Variants in AGBL1 observed in about 807,000 individuals in gnomAD.
AGBL1 encodes AGBL carboxypeptidase 1.
A neutral mutation model predicts 118.9 loss-of-function variants in AGBL1; 130 were observed. That is an observed-to-expected ratio of 1.09 (90% CI 0.95 to 1.26). The LOEUF is 1.26. AGBL1 is among the 50% of genes most tolerant of loss of function. The probability of loss-of-function intolerance (pLI) is 0.00; values close to 1 mark genes in which losing one functional copy is unlikely to be tolerated. For missense variants in AGBL1, 1,584 were observed against 1,298.1 expected, an observed-to-expected ratio of 1.22 and a Z score of -3.38; for synonymous variants, 555 against 478.9, an observed-to-expected ratio of 1.16 and a Z score of -2.08.
chr15:86,681,022 A>G (rs1192500437), intron 22 of AGBL1, among the ~76,000 whole-genome samples: 1 of 152,084 alleles, frequency 6.6e-6, no homozygotes, highest in East Asian at 1.9e-4. Context: ...GATTTTGAAT[A>G]TGAACATTCT....
intron 22 of AGBL1, among the ~76,000 whole-genome samples, chr15:86,689,052 A>T (rs1197935493): frequency 6.6e-6 from 1 of 152,084 alleles, no homozygotes; most frequent in Admixed American, 6.6e-5. Context: ...TTTTACTTTT[A>T]TATGGTAAAT....
chr15:86,131,143 G>C (rs2076813758), intron 1 of AGBL1, among the ~76,000 whole-genome samples: 1 of 152,162 alleles, frequency 6.6e-6, no homozygotes, highest in African/African-American at 2.4e-5. Flanking sequence ...GGCTTCAGAT[G>C]CAAGTATCCC....
At chr15:86,967,345 T>C (rs886280539) in intron 23 of AGBL1, among the ~76,000 whole-genome samples, 2 of 152,184 alleles carry the variant, frequency 1.3e-5, no homozygotes, top group Non-Finnish European at 2.9e-5. Flanking sequence ...ATCCCATTTG[T>C]CAATTTTGGC....
chr15:86,483,490 T>A (rs1337152694), intron 18 of AGBL1, among the ~76,000 whole-genome samples: 1 of 152,098 alleles, frequency 6.6e-6, no homozygotes, highest in African/African-American at 2.4e-5. Context: ...TGACCTCCCA[T>A]CCCATCATGG....
At chr15:86,776,306 T>C (rs1400013684) in intron 22 of AGBL1, among the ~76,000 whole-genome samples, 1 of 152,130 alleles carries the variant, frequency 6.6e-6, no homozygotes, top group Non-Finnish European at 1.5e-5. Flanking sequence ...GCTGAGCTAC[T>C]TCCTCATCGT....
intron 21 of AGBL1, among the ~76,000 whole-genome samples, chr15:86,572,201 T>G (rs914765707): frequency 1.3e-5 from 2 of 151,896 alleles, no homozygotes; most frequent in Non-Finnish European, 2.9e-5. Flanking sequence ...GCCGGCTCCC[T>G]TCCTGGGCCC....
Position 86,170,980 on chromosome 15 carries a change from G to A in AGBL1, c.488+11954G>A, listed in dbSNP as rs144722104. On this transcript the variant is annotated intron_variant, in intron 5 of 22. Transcript: ENST00000614907. ...TAAGAATCTAACAGATTTCTTGTTG[G>A]AAACAATGCAAGTGAAAAAACAATG... is the stretch of plus-strand genomic sequence containing the variant. Among the ~76,000 whole-genome samples, 860 of 152,218 alleles carry A rather than the reference G, an allele frequency of 5.6e-3. 7 individuals carry two copies. The highest frequency in any genetic ancestry group is 0.013 in the Admixed American group (201 of 15,296).
intron 23 of AGBL1, among the ~76,000 whole-genome samples, chr15:86,945,494 C>T (rs889224369): frequency 6.6e-6 from 1 of 151,696 alleles, no homozygotes; most frequent in Non-Finnish European, 1.5e-5. Context: ...CCTGGTGAAA[C>T]CCCGTCTCTA....
chr15:86,478,471 T>C (rs1233775431), intron 18 of AGBL1, among the ~76,000 whole-genome samples: 1 of 152,174 alleles, frequency 6.6e-6, no homozygotes, highest in Non-Finnish European at 1.5e-5. Context: ...ATGAGTGAAC[T>C]GCCATTCACA....
At chr15:86,359,003 C>T (rs11629827) in intron 17 of AGBL1, among the ~76,000 whole-genome samples, 1 of 150,910 alleles carries the variant, frequency 6.6e-6, no homozygotes, top group African/African-American at 2.4e-5. Context: ...GTTTTCTTTG[C>T]TGTTTAGAAA....
chr15:86,905,625 A>G lies in AGBL1; in HGVS notation c.3159-1462A>G, dbSNP rs180931121. Among the ~76,000 whole-genome samples, 4 of 152,358 alleles carry G rather than the reference A, an allele frequency of 2.6e-5. No individual in the cohort carries two copies. In the East Asian group the frequency reaches 7.7e-4, roughly 29 times the overall value. On this transcript the variant is annotated intron_variant, in intron 22 of 22. Coordinates refer to ENST00000614907, the MANE Select transcript of AGBL1 (RefSeq NM_001386094.1). Reference sequence around the variant, plus strand: ...ACAATATCCATGTGTTTTGTCATTTAGTATTCAATGCAACTATTGAGGTAT... The same window carrying G: ...ACAATATCCATGTGTTTTGTCATTTGGTATTCAATGCAACTATTGAGGTAT...
intron 22 of AGBL1, among the ~76,000 whole-genome samples, chr15:86,823,666 G>T (rs1458823306): frequency 6.6e-6 from 1 of 152,154 alleles, no homozygotes; most frequent in East Asian, 1.9e-4. Flanking sequence ...TCCTAAGTAG[G>T]TAAGATTGGG....
chr15:86,965,212 C>T (rs751081828), intron 23 of AGBL1, among the ~76,000 whole-genome samples: 14 of 152,190 alleles, frequency 9.2e-5, no homozygotes, highest in Non-Finnish European at 1.9e-4. Context: ...GCCACACTCT[C>T]TTCCACAATG....
intron 7 of AGBL1, 106 bp from the exon 8 acceptor site, chr15:86,256,746 GC>G: frequency 3.5e-6 from 4 of 1,148,184 alleles, no homozygotes; most frequent in Non-Finnish European, 4.9e-6. Flanking sequence ...CTGAAACACA[GC>G]TAGGAGACTG....
rs115607390 is a variant in AGBL1 at position 86,280,240 on chromosome 15, C to T, written c.2220+457C>T. On this transcript the variant is annotated intron_variant, in intron 16 of 22. Transcript: ENST00000614907. ...TTCTGAGTCTGTGTGCAAGTAGCCA[C>T]GCCAGCATCTCCAGTGGTTCCAATG... Among the ~76,000 whole-genome samples, 706 of 152,250 alleles carry T rather than the reference C, an allele frequency of 4.6e-3. 10 individuals carry two copies. Among genetic ancestry groups the T allele is most frequent in the African/African-American group, 0.016 (660 of 41,538 alleles).
intron 22 of AGBL1, among the ~76,000 whole-genome samples, chr15:86,719,999 C>A (rs1307512931): frequency 6.6e-6 from 1 of 152,186 alleles, no homozygotes; most frequent in Non-Finnish European, 1.5e-5. Flanking sequence ...AAATGTTGGG[C>A]TGCTTCAGGG....
chr15:86,874,117 A>G (rs370577401), intron 22 of AGBL1, among the ~76,000 whole-genome samples: 78 of 152,322 alleles, frequency 5.1e-4, no homozygotes, highest in South Asian at 1.0e-3. Context: ...TTTGTTAATC[A>G]TAAAACCTAA....
chr15:86,108,290 G>A (rs1897166584), intron 1 of AGBL1, among the ~76,000 whole-genome samples: 1 of 152,222 alleles, frequency 6.6e-6, no homozygotes, highest in Non-Finnish European at 1.5e-5. Flanking sequence ...TTCTCACTGA[G>A]AAAGGTGAGA....
chr15:86,369,129 G>T (rs1000974227), intron 17 of AGBL1, among the ~76,000 whole-genome samples: 1 of 152,100 alleles, frequency 6.6e-6, no homozygotes, highest in Non-Finnish European at 1.5e-5. Context: ...TCAGCAAGAA[G>T]AATAATAAAC....
Sources: allele counts gnomAD v4.1 joint callset (sites outside exome capture counted in the v4.1 genomes callset), GRCh38; gene constraint gnomAD v4.1.1; transcripts MANE v1.5; gene names NCBI Gene and HGNC (gene_info 2026-07-23, HGNC 2026-07-21).